Variants in DIP2A observed in about 807,000 individuals in gnomAD.
DIP2A encodes the protein disco-interacting protein 2 homolog A.
Under a neutral mutation model 177.4 loss-of-function variants are expected in DIP2A, and 85 were observed. That is an observed-to-expected ratio of 0.48 (90% CI 0.40 to 0.57). The LOEUF (loss-of-function observed/expected upper bound fraction) is 0.57. Ranked by LOEUF, DIP2A falls within the 20% of genes least tolerant of loss-of-function variation. The probability of loss-of-function intolerance (pLI) is 0.00; values close to 1 mark genes in which losing one functional copy is unlikely to be tolerated. For synonymous variants in DIP2A, 886 were observed against 881.8 expected (o/e 1.00, Z -0.08); for missense variants, 1,791 against 2,100.2 (o/e 0.85, Z 2.88).
chr21:46,557,569 G>A lies in DIP2A; in HGVS notation c.3630-16G>A. The A allele has an allele frequency of 6.3e-7, 1 of 1,595,996 alleles. No homozygotes were observed. The highest frequency in any genetic ancestry group is 8.6e-7 in the Non-Finnish European group (1 of 1,166,594). ...TGGGTGGGCGGGCGGAGCCTCACGA[G>A]CCTTCCCTCTCGCAGTGTCTACTCG... is the stretch of plus-strand genomic sequence containing the variant. On this transcript the variant is annotated splice_polypyrimidine_tract_variant and intron_variant, in intron 30 of 37. Transcript: ENST00000417564. The surrounding 1 kb of genome is among the most constrained non-coding windows in gnomAD (Gnocchi z 6.0).
Position 46,519,855 on chromosome 21 carries a change from A to ATTTTTTTT in DIP2A, c.1102+8271_1102+8278dup, listed in dbSNP as rs59574579. 7.2e-4 allele frequency among the ~76,000 whole-genome samples: 38 copies of ATTTTTTTT among 53,018 alleles called. 10 individuals carry two copies. Among genetic ancestry groups the ATTTTTTTT allele is most frequent in the Admixed American group, 1.6e-3 (6 of 3,664 alleles). The allele number at this position is 53,018 out of a possible 152,430, so 34.8% of individuals were successfully genotyped here. On this transcript the variant is annotated intron_variant, in intron 8 of 37. Coordinates refer to ENST00000417564, the MANE Select transcript of DIP2A (RefSeq NM_015151.4). ...GCCCAGAATTAGAATATTGATCTAG[A>ATTTTTTTT]TTTTTTTTTTTTTTTTTTTTTTTTT...
Position 46,537,422 on chromosome 21 carries a change from C to T in DIP2A, c.1708-24C>T. ...CTGGTGTGGCTCGGGCCCACTCGCC[C>T]TAAGCATGTGTGCTCCCCCACAGAG... is the stretch of plus-strand genomic sequence containing the variant. On this transcript the variant is annotated intron_variant, in intron 14 of 37. Transcript: ENST00000417564. This position sits in a 1 kb window ranked among gnomAD's most constrained non-coding sequence, Gnocchi z 4.1. 2 of 1,613,560 alleles carry T rather than the reference C, an allele frequency of 1.2e-6. No homozygotes were observed. Among genetic ancestry groups the T allele is most frequent in the East Asian group, 2.2e-5 (1 of 44,870 alleles).
At position 46,498,654 on chromosome 21, in the gene DIP2A, G is replaced by T. The variant is rs1217641902; in HGVS notation, c.476G>T (p.Ser159Ile). The part of the protein sequence containing the change: ...PGRLTSTPLQ[S>I]HSSVEPWLDR... ...CGACTCACCTCCACTCCGCTCCAGA[G>T]CCATTCCAGCGTCGAGCCCTGGCTC... is the stretch of plus-strand genomic sequence containing the variant. The change falls in exon 5 of 38, where the codon AGC (serine) becomes ATC (isoleucine). Residue 159 changes from serine to isoleucine, a missense_variant. Transcript: ENST00000417564. This position sits in a 1 kb window ranked among gnomAD's most constrained non-coding sequence, Gnocchi z 4.3. The T allele has an allele frequency of 6.2e-7, 1 of 1,613,686 alleles. No homozygotes were observed. Among genetic ancestry groups the T allele is most frequent in the Admixed American group, 1.7e-5 (1 of 60,026 alleles).
At chr21:46,560,644 G>A (rs529752561) in intron 32 of DIP2A, 78 bp from the exon 33 acceptor site, 1 of 1,539,392 alleles carries the variant, frequency 6.5e-7, no homozygotes. Context: ...GGGAGGAGCT[G>A]CCATGCAGCT....
rs770609326 is a variant in DIP2A at position 46,554,173 on chromosome 21, C to T, written c.3035C>T (p.Thr1012Ile). Residue 1012 changes from threonine to isoleucine, a missense_variant, in exon 26 of 38, where the codon ACC (threonine) becomes ATC (isoleucine). By Grantham distance (89) the Thr-to-Ile change is moderately conservative. Transcript: ENST00000417564. ...GCTCAAAGATCGCTTTCCTAGGGCA[C>T]CGTCACAAGCACTGCAACCTGTGTC... ...PLFLLLNAKG[T>I]VTSTATCVQL... 4 of 1,613,620 alleles carry T rather than the reference C, an allele frequency of 2.5e-6. No individual in the cohort carries two copies. Among genetic ancestry groups the T allele is most frequent in the Non-Finnish European group, 2.5e-6 (3 of 1,179,634 alleles).
In DIP2A at chr21:46,556,742, A is replaced by T; in HGVS notation, c.3499-197A>T. The T allele has an allele frequency of 5.5e-6, 3 of 541,792 alleles. No individual in the cohort carries two copies. The highest frequency in any genetic ancestry group is 9.5e-6 in the Non-Finnish European group (3 of 316,300). The allele number at this position is 541,792 out of a possible 1,614,324, so 33.6% of individuals were successfully genotyped here. A position where few individuals can be genotyped will look rare whatever the true frequency, so the allele number is the denominator to read the frequency against. ...ATTACCCTGAAATTTTGTTTCAAAG[A>T]TTTTTAGTGTACCATTTCTTGGGTA... is the stretch of plus-strand genomic sequence containing the variant. On this transcript the variant is annotated intron_variant, in intron 29 of 37. Coordinates refer to ENST00000417564, the MANE Select transcript of DIP2A (RefSeq NM_015151.4). The surrounding 1 kb of genome is among the most constrained non-coding windows in gnomAD (Gnocchi z 4.5).
At chr21:46,566,424 G>T in intron 36 of DIP2A, 136 bp from the exon 37 acceptor site, 4 of 1,170,776 alleles carry the variant, frequency 3.4e-6, no homozygotes, top group Non-Finnish European at 4.8e-6. Flanking sequence ...CTTTCTGCAC[G>T]TGGTGTGCGA....
At chr21:46,470,781 T>G in intron 1 of DIP2A, among the ~76,000 whole-genome samples, 1 of 147,064 alleles carries the variant, frequency 6.8e-6, no homozygotes, top group Non-Finnish European at 1.5e-5. Context: ...AAAAAAAAAT[T>G]AGCCAGGCAT....
Position 46,529,091 on chromosome 21 carries a change from G to A in DIP2A, c.1103-1G>A. 1 of 1,488,582 alleles carries A rather than the reference G, an allele frequency of 6.7e-7. No individual in the cohort carries two copies. The highest frequency in any genetic ancestry group is 9.0e-7 in the Non-Finnish European group (1 of 1,113,992). 92.2% of individuals were successfully genotyped at this position (1,488,582 alleles called of 1,614,324 possible). A position where few individuals can be genotyped will look rare whatever the true frequency, so the allele number is the denominator to read the frequency against. On this transcript the variant is annotated splice_acceptor_variant, in intron 8 of 37. Coordinates refer to ENST00000417564, the MANE Select transcript of DIP2A (RefSeq NM_015151.4). LOFTEE classifies it high-confidence loss of function. ...TGCTTAGTATTTTTATTTTGTTTTA[G>A]GTAAACTTTGGAGTCGGAGTTTAAA...
At chr21:46,476,189 G>C (rs1221001915) in intron 1 of DIP2A, among the ~76,000 whole-genome samples, 1 of 151,604 alleles carries the variant, frequency 6.6e-6, no homozygotes, top group Non-Finnish European at 1.5e-5. Context: ...CTTGCAGTGA[G>C]CTGAGATCAC....
At chr21:46,514,641 G>GTTTTTTTTT (rs1569013985) in intron 8 of DIP2A, among the ~76,000 whole-genome samples, 3 of 59,528 alleles carry the variant, frequency 5.0e-5, no homozygotes, top group African/African-American at 7.9e-5. Flanking sequence ...TTTTTTTTTT[G>GTTTTTTTTT]GTTTTTTTTT....
intron 3 of DIP2A, among the ~76,000 whole-genome samples, chr21:46,495,454 G>T (rs978756188): frequency 6.6e-6 from 1 of 151,846 alleles, no homozygotes; most frequent in Non-Finnish European, 1.5e-5. Flanking sequence ...TTTTAGTAGA[G>T]ACAGGGTTTC....
chr21:46,554,431 C>G, intron 26 of DIP2A, 139 bp downstream of exon 26: 4 of 1,541,750 alleles, frequency 2.6e-6, no homozygotes, highest in East Asian at 2.3e-5. Context: ...TCTGCCTCCT[C>G]AGCTCAGCTA....
At position 46,538,541 on chromosome 21, in the gene DIP2A, C is replaced by T. The variant is rs745981424; in HGVS notation, c.1860C>T (p.Gly620=). 5 of 1,563,362 alleles carry T rather than the reference C, an allele frequency of 3.2e-6. No homozygotes were observed. The highest frequency in any genetic ancestry group is 4.3e-6 in the Non-Finnish European group (5 of 1,156,500). ...DMHWSLLAQR[G]QRDVSLSSLR... ...ACTGGTCTCTCCTAGCTCAGCGGGGCCAGAGGGACGTCAGCCTCAGCTCAC... is the reference window on the plus strand; with the variant it reads ...ACTGGTCTCTCCTAGCTCAGCGGGGTCAGAGGGACGTCAGCCTCAGCTCAC... Residue 620 remains glycine (G), a synonymous_variant, in exon 16 of 38, where the codon GGC becomes GGT. Transcript: ENST00000417564.
intron 1 of DIP2A, among the ~76,000 whole-genome samples, chr21:46,468,766 T>C (rs1466069715): frequency 6.6e-6 from 1 of 152,244 alleles, no homozygotes. Context: ...TTTATGGTGA[T>C]GGTTTCACAG....
intron 35 of DIP2A, among the ~76,000 whole-genome samples, chr21:46,565,331 T>G (rs1055840418): frequency 6.6e-6 from 1 of 152,216 alleles, no homozygotes; most frequent in Admixed American, 6.5e-5. Flanking sequence ...CTGCACGCTC[T>G]CCACTCTGTA....
chr21:46,472,475 G>C (rs1001146031), intron 1 of DIP2A, among the ~76,000 whole-genome samples: 1 of 152,206 alleles, frequency 6.6e-6, no homozygotes, highest in Non-Finnish European at 1.5e-5. Flanking sequence ...CATGAAATGT[G>C]TACAGAACCC....
intron 1 of DIP2A, among the ~76,000 whole-genome samples, chr21:46,464,844 T>TC (rs1555859365): frequency 6.3e-5 from 7 of 111,218 alleles, no homozygotes; most frequent in African/African-American, 2.9e-4. Flanking sequence ...TTTTTTTTTT[T>TC]CAAGAAAACA....
intron 1 of DIP2A, among the ~76,000 whole-genome samples, chr21:46,471,499 T>C (rs565077156): frequency 1.2e-4 from 18 of 152,342 alleles, no homozygotes; most frequent in Admixed American, 4.6e-4. Flanking sequence ...AGCTTGCTTC[T>C]GGGTAGAATT....
Sources: gnomAD v4.1 joint callset for allele counts (sites outside exome capture counted in the v4.1 genomes callset) on GRCh38, gnomAD v4.1.1 for gene constraint, Gnocchi (gnomAD v3.1) non-coding constraint, MANE v1.5 for transcripts, NCBI Gene and HGNC (gene_info 2026-07-23, HGNC 2026-07-21) for gene names.